Variants in MACC1 observed in about 807,000 individuals in gnomAD.
MACC1 encodes MET transcriptional regulator MACC1.
A neutral mutation model predicts 70.7 loss-of-function variants in MACC1; 79 were observed. The ratio of observed to expected loss-of-function variants is 1.12; its 90% CI spans 0.93 to 1.35. MACC1 has a LOEUF of 1.35. MACC1 is among the 40% of genes most tolerant of loss of function. The probability of loss-of-function intolerance (pLI) is 0.00; values close to 1 mark genes in which losing one functional copy is unlikely to be tolerated. For missense variants in MACC1, 1,106 were observed against 978.1 expected, an observed-to-expected ratio of 1.13 and a Z score of -1.74; for synonymous variants, 361 against 347.2, an observed-to-expected ratio of 1.04 and a Z score of -0.44.
At position 20,184,495 on chromosome 7, in the gene MACC1, G is replaced by A. The variant is rs553467651; in HGVS notation, c.-217-13717C>T. 2.9e-3 allele frequency among the ~76,000 whole-genome samples: 439 copies of A among 152,148 alleles called. 4 individuals carry two copies. The highest frequency in any genetic ancestry group is 7.1e-3 in the South Asian group (34 of 4,814). On this transcript the variant is annotated intron_variant, in intron 1 of 6. Transcript: ENST00000400331. ...TTTCTCATTATCAAATAAACTCTTA[G>A]CTAACTACTTCACTAAAAAATAGAA... is the stretch of plus-strand genomic sequence containing the variant.
At chr7:20,194,454 T>G (rs1321065081) in intron 1 of MACC1, among the ~76,000 whole-genome samples, 1 of 152,194 alleles carries the variant, frequency 6.6e-6, no homozygotes, top group Non-Finnish European at 1.5e-5. Flanking sequence ...AAGAGGCATT[T>G]TAATCTGCCC....
At chr7:20,212,269 G>A (rs142953841) in intron 1 of MACC1, among the ~76,000 whole-genome samples, 1 of 152,102 alleles carries the variant, frequency 6.6e-6, no homozygotes, top group Non-Finnish European at 1.5e-5. Flanking sequence ...TCTAAATTAG[G>A]TGTCTTCCCA....
At chr7:20,212,218 T>C in intron 1 of MACC1, among the ~76,000 whole-genome samples, 1 of 152,346 alleles carries the variant, frequency 6.6e-6, no homozygotes, top group East Asian at 1.9e-4. Context: ...GCAATATCTA[T>C]CTTTAAATGT....
At position 20,164,233 on chromosome 7, in the gene MACC1, G is replaced by A. The variant is rs117181612; in HGVS notation, c.-9+23C>T. 1,088 of 152,400 alleles carry A rather than the reference G, an allele frequency of 7.1e-3. 27 individuals are homozygous for A. The highest frequency in any genetic ancestry group is 0.038 in the Admixed American group (581 of 15,288). The allele number at this position is 152,400 out of a possible 1,614,324, so 9.4% of individuals were successfully genotyped here. On this transcript the variant is annotated intron_variant, in intron 3 of 6. Transcript: ENST00000400331. ...ATTACAGGCATGAGCCACCACGCCC[G>A]GCCCAGTTACTTTAAACCTTACTTT...
chr7:20,201,399 G>A lies in MACC1; in HGVS notation c.-218+15900C>T, dbSNP rs114705962. The stretch of plus-strand genomic sequence containing the variant: ...CACAATGGTGTAAAAACAAGAGTGA[G>A]CAGAACTCGTTCAGAAAGCAGCAAG... On this transcript the variant is annotated intron_variant, in intron 1 of 6. Transcript: ENST00000400331. Among the ~76,000 whole-genome samples the A allele has an allele frequency of 9.0e-3, 1,366 of 152,258 alleles. 24 individuals are homozygous for A. The highest frequency in any genetic ancestry group is 0.031 in the African/African-American group (1,292 of 41,532).
intron 1 of MACC1, among the ~76,000 whole-genome samples, chr7:20,210,287 T>A (rs1483014596): frequency 6.6e-6 from 1 of 152,174 alleles, no homozygotes; most frequent in Admixed American, 6.5e-5. Flanking sequence ...CAAAAAAGCA[T>A]CTTAGAATAT....
At chr7:20,141,744 T>G (rs1320317151) in intron 6 of MACC1, among the ~76,000 whole-genome samples, 1 of 152,148 alleles carries the variant, frequency 6.6e-6, no homozygotes, top group Non-Finnish European at 1.5e-5. Context: ...AAACCAATAC[T>G]CAGTGCTGCT....
intron 1 of MACC1, among the ~76,000 whole-genome samples, chr7:20,174,171 TA>T (rs1782357709): frequency 6.6e-6 from 1 of 152,278 alleles, no homozygotes; most frequent in South Asian, 2.1e-4. Flanking sequence ...TTGGTGTAAT[TA>T]TTAAAATTAA....
intron 1 of MACC1, among the ~76,000 whole-genome samples, chr7:20,204,750 C>T (rs1782884780): frequency 1.3e-5 from 2 of 152,174 alleles, no homozygotes; most frequent in African/African-American, 2.4e-5. Context: ...TGCATTCACA[C>T]TGTAAGTTTG....
Position 20,159,712 on chromosome 7 carries a change from T to C in MACC1, c.649A>G (p.Lys217Glu). ...ACTGACCCTCCTTGATGGTTTACTT[T>C]GCAAGCTATGGTGACCTCCGCAAGT... is the stretch of plus-strand genomic sequence containing the variant. ...TQLAEVTIAC[K>E]VNHQGGSVQL... The change falls in exon 5 of 7, where the codon AAA becomes GAA. Residue 217 changes from lysine (K) to glutamate (E), a missense_variant. Coordinates refer to ENST00000400331, the MANE Select transcript of MACC1 (RefSeq NM_182762.4). 6.2e-7 allele frequency: 1 copy of C among 1,614,166 alleles called. No homozygotes were observed. The highest frequency in any genetic ancestry group is 8.5e-7 in the Non-Finnish European group (1 of 1,180,022).
intron 6 of MACC1, among the ~76,000 whole-genome samples, chr7:20,144,576 C>T (rs910649188): frequency 2.0e-5 from 3 of 152,072 alleles, no homozygotes; most frequent in Non-Finnish European, 4.4e-5. Context: ...CATGATGTAT[C>T]TGGCATATAG....
intron 1 of MACC1, among the ~76,000 whole-genome samples, chr7:20,182,468 T>C (rs1198023223): frequency 1.3e-5 from 2 of 152,180 alleles, no homozygotes; most frequent in East Asian, 1.9e-4. Context: ...CTGATTCCTA[T>C]TTGCTGTTCT....
rs1178244310 is a variant in MACC1 at position 20,139,732 on chromosome 7, C to A, written c.*1214G>T. ...TAAGCAAAATACATCTCTTTGTGAA[C>A]TTTGTCAGCCATTAGCATTTATACT... On this transcript the variant is annotated 3_prime_UTR_variant, in exon 7 of 7. Coordinates refer to ENST00000400331, the MANE Select transcript of MACC1 (RefSeq NM_182762.4). The A allele has an allele frequency of 6.6e-6, 1 of 151,972 alleles. No homozygotes were observed. The highest frequency in any genetic ancestry group is 1.5e-5 in the Non-Finnish European group (1 of 67,986). 9.4% of individuals were successfully genotyped at this position (151,972 alleles called of 1,614,324 possible).
At position 20,139,577 on chromosome 7, in the gene MACC1, C is replaced by T. The variant is rs1781767325; in HGVS notation, c.*1369G>A. The T allele has an allele frequency of 6.6e-6, 1 of 152,160 alleles. No homozygotes were observed. Among genetic ancestry groups the T allele is most frequent in the Non-Finnish European group, 1.5e-5 (1 of 68,034 alleles). The allele number at this position is 152,160 out of a possible 1,614,324, so 9.4% of individuals were successfully genotyped here. ...TTCATGCTGGTTTTTTCCCATTAGC[C>T]TCAAGCATCTATATGCCTGCCAAAA... On this transcript the variant is annotated 3_prime_UTR_variant, in exon 7 of 7. Transcript: ENST00000400331.
chr7:20,187,781 C>T (rs1782611385), intron 1 of MACC1, among the ~76,000 whole-genome samples: 2 of 152,294 alleles, frequency 1.3e-5, no homozygotes, highest in Non-Finnish European at 2.9e-5. Context: ...ATACATCTCC[C>T]TCTCCCTTCT....
rs539330293 is a variant in MACC1, at chr7:20,205,456, G to T, written c.-218+11843C>A. Among the ~76,000 whole-genome samples the T allele has an allele frequency of 4.6e-5, 7 of 152,230 alleles. No homozygotes were observed. The East Asian group carries it at 1.3e-3, about 29-fold the overall frequency. On this transcript the variant is annotated intron_variant, in intron 1 of 6. Coordinates refer to ENST00000400331, the MANE Select transcript of MACC1 (RefSeq NM_182762.4). ...CTGTGGTGTGGTCTGATTTGGTCATGATCTCAATTTCCTAAAACCACTTCA... is the reference window on the plus strand; with the variant it reads ...CTGTGGTGTGGTCTGATTTGGTCATTATCTCAATTTCCTAAAACCACTTCA...
At chr7:20,188,143 A>C (rs1377170309) in intron 1 of MACC1, among the ~76,000 whole-genome samples, 1 of 152,102 alleles carries the variant, frequency 6.6e-6, no homozygotes, top group Non-Finnish European at 1.5e-5. Flanking sequence ...CACAGGAAAA[A>C]CCATCCCCAT....
intron 1 of MACC1, among the ~76,000 whole-genome samples, chr7:20,205,529 A>G (rs1289372567): frequency 6.6e-6 from 1 of 152,128 alleles, no homozygotes; most frequent in Non-Finnish European, 1.5e-5. Context: ...GTCGCCTGTG[A>G]AAAGAAAGTT....
At chr7:20,191,994 A>C (rs901723945) in intron 1 of MACC1, among the ~76,000 whole-genome samples, 1 of 152,204 alleles carries the variant, frequency 6.6e-6, no homozygotes, top group Non-Finnish European at 1.5e-5. Context: ...TAAACGAATA[A>C]ATAAGATAAT....
Sources: allele counts gnomAD v4.1 joint callset (sites outside exome capture counted in the v4.1 genomes callset), GRCh38; gene constraint gnomAD v4.1.1; transcripts MANE v1.5; gene names NCBI Gene and HGNC (gene_info 2026-07-23, HGNC 2026-07-21).